Variants in CNTN5 observed in about 807,000 individuals in gnomAD.
CNTN5 encodes contactin 5, also known as contactin-5.
CNTN5 carries 77 observed loss-of-function variants against 129.1 expected under a neutral mutation model. The observed-to-expected ratio is 0.60, with a 90% CI of 0.50 to 0.72. The LOEUF is 0.72. Among genes scored for constraint, CNTN5 ranks in the 30% least tolerant of loss-of-function variants. CNTN5 has a pLI of 0.00. For missense variants in CNTN5, 1,478 were observed against 1,328.8 expected (o/e 1.11, Z -1.75); for synonymous variants, 509 against 465.6 (o/e 1.09, Z -1.20).
At chr11:99,770,501 G>A (rs1487026476) in intron 3 of CNTN5, among the ~76,000 whole-genome samples, 2 of 151,932 alleles carry the variant, frequency 1.3e-5, no homozygotes, top group Admixed American at 1.3e-4. Flanking sequence ...CTTAGTGTCT[G>A]TATATAGTGA....
intron 1 of CNTN5, among the ~76,000 whole-genome samples, chr11:99,054,679 CA>C (rs1038860281): frequency 6.6e-6 from 1 of 151,400 alleles, no homozygotes; most frequent in Non-Finnish European, 1.5e-5. Flanking sequence ...GGAAATTTGA[CA>C]AAAAAAGTAT....
chr11:99,282,161 T>C (rs534717871), intron 1 of CNTN5, among the ~76,000 whole-genome samples: 4 of 152,002 alleles, frequency 2.6e-5, no homozygotes, highest in Non-Finnish European at 4.4e-5. Flanking sequence ...CTCAGTACAA[T>C]TTTTCCTACA....
chr11:100,006,692 C>A (rs1224303236), intron 9 of CNTN5, among the ~76,000 whole-genome samples: 1 of 152,068 alleles, frequency 6.6e-6, no homozygotes, highest in Non-Finnish European at 1.5e-5. Context: ...TCCAAGTTAT[C>A]CATGAGGGTT....
chr11:99,355,828 T>TG (rs1555119048), intron 2 of CNTN5, among the ~76,000 whole-genome samples: 1 of 149,874 alleles, frequency 6.7e-6, no homozygotes, highest in Non-Finnish European at 1.5e-5. Context: ...TTTGTTTTTT[T>TG]TTTTTTTGTT....
At chr11:99,898,719 T>C (rs1949274339) in intron 6 of CNTN5, among the ~76,000 whole-genome samples, 1 of 151,986 alleles carries the variant, frequency 6.6e-6, no homozygotes, top group Non-Finnish European at 1.5e-5. Context: ...TTTTTCATTT[T>C]ACAATTTCTG....
intron 13 of CNTN5, among the ~76,000 whole-genome samples, chr11:100,134,959 A>G (rs1460370248): frequency 6.6e-6 from 1 of 152,104 alleles, no homozygotes; most frequent in Non-Finnish European, 1.5e-5. Flanking sequence ...CTTAGAATTT[A>G]TACCGTGGCT....
At chr11:99,282,711 A>G (rs988677715) in intron 1 of CNTN5, among the ~76,000 whole-genome samples, 1 of 152,050 alleles carries the variant, frequency 6.6e-6, no homozygotes, top group Non-Finnish European at 1.5e-5. Flanking sequence ...GTGGCTAATG[A>G]TTTCAGCTGC....
chr11:99,218,605 T>C lies in CNTN5; in HGVS notation c.-209-106741T>C, dbSNP rs375734235. The stretch of plus-strand genomic sequence containing the variant: ...CTAAGCAGTTTTATGCAATCAGGGG[T>C]ATATCCAATTGCCTACTCACCATTA... On this transcript the variant is annotated intron_variant, in intron 1 of 24. Transcript: ENST00000524871. Among the ~76,000 whole-genome samples, 19 of 152,188 alleles carry C rather than the reference T, an allele frequency of 1.2e-4. No homozygotes were observed. In the East Asian group the frequency reaches 3.7e-3, roughly 29 times the overall value.
intron 13 of CNTN5, among the ~76,000 whole-genome samples, chr11:100,141,246 G>A (rs1946690102): frequency 6.6e-6 from 1 of 152,060 alleles, no homozygotes; most frequent in African/African-American, 2.4e-5. Context: ...TGGGAGTCTT[G>A]CAGTTATTGT....
intron 13 of CNTN5, among the ~76,000 whole-genome samples, chr11:100,145,863 G>T (rs943403656): frequency 6.6e-6 from 1 of 152,094 alleles, no homozygotes; most frequent in Non-Finnish European, 1.5e-5. Context: ...CTTTTGGTCT[G>T]TAAAAGAGTT....
intron 18 of CNTN5, among the ~76,000 whole-genome samples, chr11:100,296,375 T>C (rs1245350318): frequency 1.3e-5 from 2 of 151,386 alleles, no homozygotes; most frequent in Non-Finnish European, 3.0e-5. Context: ...ATGTGATTTC[T>C]TGAATGAGAG....
chr11:99,817,388 T>C (rs1946623061), intron 3 of CNTN5, among the ~76,000 whole-genome samples: 2 of 152,186 alleles, frequency 1.3e-5, no homozygotes, highest in Admixed American at 6.5e-5. Context: ...CATCTCTGTA[T>C]GGAGTGGCAC....
chr11:99,473,519 A>AT (rs1945253899), intron 2 of CNTN5, among the ~76,000 whole-genome samples: 3 of 151,984 alleles, frequency 2.0e-5, no homozygotes, highest in Admixed American at 2.0e-4. Flanking sequence ...ATTCTCTTCT[A>AT]TGGGAGTTAG....
chr11:99,196,840 A>G (rs1157878826), intron 1 of CNTN5, among the ~76,000 whole-genome samples: 1 of 151,974 alleles, frequency 6.6e-6, no homozygotes, highest in African/African-American at 2.4e-5. Context: ...CATAGCCTAT[A>G]AAAGATTAGG....
At chr11:99,561,501 A>C (rs1948841901) in intron 3 of CNTN5, among the ~76,000 whole-genome samples, 1 of 152,168 alleles carries the variant, frequency 6.6e-6, no homozygotes, top group Admixed American at 6.5e-5. Context: ...TCTTTTCTTA[A>C]GTATTCGCTG....
chr11:100,248,261 CA>C (rs1209322841), intron 16 of CNTN5, among the ~76,000 whole-genome samples: 4 of 152,096 alleles, frequency 2.6e-5, no homozygotes, highest in Admixed American at 2.6e-4. Context: ...GCAGAAACAA[CA>C]GGGGTCAGGT....
At chr11:99,504,271 G>T (rs1946531986) in intron 2 of CNTN5, among the ~76,000 whole-genome samples, 2 of 152,142 alleles carry the variant, frequency 1.3e-5, no homozygotes, top group Admixed American at 6.5e-5. Context: ...GGCTGGGCGT[G>T]ATGGCTCATG....
intron 3 of CNTN5, among the ~76,000 whole-genome samples, chr11:99,627,493 C>T (rs1356300449): frequency 6.6e-6 from 1 of 152,010 alleles, no homozygotes; most frequent in Non-Finnish European, 1.5e-5. Flanking sequence ...AATAGTAAAC[C>T]TCAGTTCCTG....
chr11:100,086,183 T>A (rs941191382), intron 13 of CNTN5, among the ~76,000 whole-genome samples: 3 of 151,630 alleles, frequency 2.0e-5, no homozygotes, highest in African/African-American at 7.2e-5. Flanking sequence ...CACATCTTTT[T>A]GAATTAATAT....
Sources: allele counts gnomAD v4.1 joint callset (sites outside exome capture counted in the v4.1 genomes callset), GRCh38; gene constraint gnomAD v4.1.1; transcripts MANE v1.5; gene names NCBI Gene and HGNC (gene_info 2026-07-23, HGNC 2026-07-21).